PDGFRA: variants seen among roughly 807,000 people sequenced by gnomAD.
PDGFRA encodes the protein platelet-derived growth factor receptor alpha.
PDGFRA carries 25 observed loss-of-function variants against 121.5 expected under a neutral mutation model. The ratio of observed to expected loss-of-function variants is 0.21; its 90% CI spans 0.15 to 0.29. The LOEUF (loss-of-function observed/expected upper bound fraction) is 0.29, where lower values mean the gene tolerates loss of function less well. Ranked by LOEUF, PDGFRA falls within the 10% of genes least tolerant of loss-of-function variation. The probability of loss-of-function intolerance (pLI) is 1.00; values close to 1 mark genes in which losing one functional copy is unlikely to be tolerated. For synonymous variants in PDGFRA, 463 were observed against 494.8 expected (o/e 0.94, Z 0.85); for missense variants, 1,008 against 1,345.1 (o/e 0.75, Z 3.92).
At chr4:54,259,057 G>C (rs1401302847) in intron 2 of PDGFRA, among the ~76,000 whole-genome samples, 1 of 152,142 alleles carries the variant, frequency 6.6e-6, no homozygotes, top group East Asian at 1.9e-4. Flanking sequence ...TATAATGTTG[G>C]CATTGAAATG....
At chr4:54,279,902 T>TTATATATATATATATATATATA (rs34230327) in intron 15 of PDGFRA, among the ~76,000 whole-genome samples, 8 of 147,600 alleles carry the variant, frequency 5.4e-5, no homozygotes, top group African/African-American at 2.0e-4. Flanking sequence ...TATAGCTGAG[T>TTATATATATATATATATATATA]TACATATATA....
chr4:54,235,967 CT>C (rs1720985606), intron 1 of PDGFRA, among the ~76,000 whole-genome samples: 3 of 152,198 alleles, frequency 2.0e-5, no homozygotes. Context: ...GATTTCCATC[CT>C]TTCTTCTGAG....
chr4:54,286,956 A>C (rs1724392405), intron 18 of PDGFRA, among the ~76,000 whole-genome samples: 1 of 152,124 alleles, frequency 6.6e-6, no homozygotes. Context: ...ACTGCACTGG[A>C]TGTGAGACAG....
chr4:54,246,159 G>A (rs183815671), intron 1 of PDGFRA, among the ~76,000 whole-genome samples: 4 of 152,182 alleles, frequency 2.6e-5, no homozygotes, highest in Non-Finnish European at 5.9e-5. Context: ...ACAGATCAAC[G>A]AGACAAAAAG....
chr4:54,245,622 A>G (rs1212277604), intron 1 of PDGFRA, among the ~76,000 whole-genome samples: 1 of 152,208 alleles, frequency 6.6e-6, no homozygotes, highest in East Asian at 1.9e-4. Flanking sequence ...CCAAATTGTA[A>G]AGACCATTGA....
chr4:54,286,759 C>T (rs1248955458), intron 18 of PDGFRA, among the ~76,000 whole-genome samples: 1 of 152,196 alleles, frequency 6.6e-6, no homozygotes, highest in Non-Finnish European at 1.5e-5. Context: ...TTTCAAAAGC[C>T]ATCTGTGACC....
In PDGFRA at chr4:54,290,460, C is replaced by G. The variant is rs1247175258; in HGVS notation, c.3028C>G (p.Gln1010Glu). 1 of 1,613,714 alleles carries G rather than the reference C, an allele frequency of 6.2e-7. No individual in the cohort carries two copies. Among genetic ancestry groups the G allele is most frequent in the Non-Finnish European group, 8.5e-7 (1 of 1,179,736 alleles). Residue 1010 changes from glutamine to glutamate, a missense_variant, in exon 22 of 23, where the codon CAG (glutamine) becomes GAG (glutamate). Around this residue, in one of 5 missense-constraint regions of PDGFRA, gnomAD observed 204 missense variants for 243.0 expected, o/e 0.84. Transcript: ENST00000257290. The part of the protein sequence containing the change: ...LKDWEGGLDE[Q>E]RLSADSGYII... ...GGACTGGGAGGGTGGTCTGGATGAGCAGAGACTGAGCGCTGACAGTGGCTA... is the reference window on the plus strand; with the variant it reads ...GGACTGGGAGGGTGGTCTGGATGAGGAGAGACTGAGCGCTGACAGTGGCTA...
At chr4:54,288,384 T>A (rs745690805) in intron 19 of PDGFRA, among the ~76,000 whole-genome samples, 4 of 152,150 alleles carry the variant, frequency 2.6e-5, no homozygotes, top group Non-Finnish European at 4.4e-5. Flanking sequence ...AGTCCTGTAC[T>A]CCCTTAAAAG....
At chr4:54,260,368 G>A (rs1173439482) in intron 2 of PDGFRA, among the ~76,000 whole-genome samples, 1 of 139,364 alleles carries the variant, frequency 7.2e-6, no homozygotes, top group Non-Finnish European at 1.5e-5. Flanking sequence ...TTCAGTCTGT[G>A]TCCTTGCCTC....
In PDGFRA at chr4:54,280,335, G is replaced by T. The variant is rs1553905281; in HGVS notation, c.2176G>T (p.Glu726Ter). The T allele has an allele frequency of 6.2e-7, 1 of 1,613,740 alleles. No individual in the cohort carries two copies. Among genetic ancestry groups the T allele is most frequent in the South Asian group, 1.1e-5 (1 of 91,062 alleles). Residue 726 changes from glutamate (E) to a stop codon, truncating the protein, a stop_gained, in exon 16 of 23, where the codon GAA (glutamate) becomes TAA (stop). Coordinates refer to ENST00000257290, the MANE Select transcript of PDGFRA (RefSeq NM_006206.6). LOFTEE classifies it high-confidence loss of function. The part of the protein sequence containing the change: ...STRSYVILSF[E>*]NNGDYMDMKQ... Reference sequence around the variant, plus strand: ...TTACAGCTATGTTATTTTATCTTTTGAAAACAATGGTGACTACATGGACAT... The same window carrying T: ...TTACAGCTATGTTATTTTATCTTTTTAAAACAATGGTGACTACATGGACAT...
At chr4:54,243,887 T>TA (rs913627028) in intron 1 of PDGFRA, among the ~76,000 whole-genome samples, 1 of 152,072 alleles carries the variant, frequency 6.6e-6, no homozygotes, top group African/African-American at 2.4e-5. Flanking sequence ...CCGACGGGCT[T>TA]AAAAAAAGGC....
intron 5 of PDGFRA, among the ~76,000 whole-genome samples, chr4:54,265,921 A>G (rs1326017134): frequency 6.6e-6 from 1 of 152,110 alleles, no homozygotes; most frequent in African/African-American, 2.4e-5. Flanking sequence ...CTGTCCTTCT[A>G]TCCATTGATC....
At chr4:54,277,120 C>T (rs1484970050) in intron 12 of PDGFRA, 9 of 491,804 alleles carry the variant, frequency 1.8e-5, no homozygotes, top group South Asian at 1.2e-4. Flanking sequence ...GTAGACAGCG[C>T]GCTCACACCA....
At chr4:54,250,010 T>G (rs527278923) in intron 1 of PDGFRA, among the ~76,000 whole-genome samples, 1 of 152,268 alleles carries the variant, frequency 6.6e-6, no homozygotes, top group South Asian at 2.1e-4. Flanking sequence ...TTATTAAGAA[T>G]TGGGTTTGAC....
intron 1 of PDGFRA, among the ~76,000 whole-genome samples, chr4:54,239,064 A>G (rs1721158544): frequency 3.9e-5 from 6 of 152,244 alleles, no homozygotes; most frequent in Admixed American, 3.9e-4. Context: ...GATGGTGATG[A>G]AAGTGACCTC....
chr4:54,274,595 A>G lies in PDGFRA; in HGVS notation c.1623A>G (p.Ser541=), dbSNP rs1262262375. The G allele has an allele frequency of 1.9e-6, 3 of 1,613,438 alleles. No individual in the cohort carries two copies. The South Asian group carries it at 3.3e-5, about 18-fold the overall frequency. ...TGCTGTTGGTGATTGTGATCATCTCACTTATTGTCCTGGTTGTCATTTGGA... is the reference window on the plus strand; with the variant it reads ...TGCTGTTGGTGATTGTGATCATCTCGCTTATTGTCCTGGTTGTCATTTGGA... ...VLVLLVIVII[S]LIVLVVIWKQ... The change falls in exon 11 of 23, where the codon TCA becomes TCG. Residue 541 remains serine (S), a synonymous_variant. Coordinates refer to ENST00000257290, the MANE Select transcript of PDGFRA (RefSeq NM_006206.6).
rs1411135799 is a variant in PDGFRA at position 54,261,399 on chromosome 4, C to T, written c.354C>T (p.Tyr118=). The T allele has an allele frequency of 1.2e-6, 2 of 1,613,438 alleles. No homozygotes were observed. The highest frequency in any genetic ancestry group is 3.3e-5 in the Admixed American group (2 of 60,022). Residue 118 remains tyrosine (Y), a synonymous_variant, in exon 3 of 23, where the codon TAC becomes TAT. Coordinates refer to ENST00000257290, the MANE Select transcript of PDGFRA (RefSeq NM_006206.6). ...ATGAGCTTGAAGGCAGGCACATTTA[C>T]ATCTATGTGCCAGGTGAGTTGGCTG... ...EENELEGRHI[Y]IYVPDPDVAF...
At chr4:54,279,547 T>TATTTAAAA (rs2110320581) in intron 15 of PDGFRA, among the ~76,000 whole-genome samples, 1 of 152,318 alleles carries the variant, frequency 6.6e-6, no homozygotes, top group African/African-American at 2.4e-5. Flanking sequence ...TTTTTTTCCC[T>TATTTAAAA]ATTTAAAAAA....
At chr4:54,270,864 T>C in intron 8 of PDGFRA, 116 bp downstream of exon 8, 1 of 706,140 alleles carries the variant, frequency 1.4e-6, no homozygotes, top group African/African-American at 1.7e-5. Context: ...GGAGAAGCAG[T>C]GTCTGCATAT....
Sources: allele counts gnomAD v4.1 joint callset (sites outside exome capture counted in the v4.1 genomes callset), GRCh38; gene constraint gnomAD v4.1.1; regional missense constraint gnomAD v4.1.1; transcripts MANE v1.5; gene names NCBI Gene and HGNC (gene_info 2026-07-23, HGNC 2026-07-21).